CDH7: variants seen among roughly 807,000 people sequenced by gnomAD.
The protein encoded by CDH7 is cadherin 7, also known as cadherin-7.
Under a neutral mutation model 71.8 loss-of-function variants are expected in CDH7, and 25 were observed. That is an observed-to-expected ratio of 0.35 (90% confidence interval 0.25 to 0.49). CDH7 has a LOEUF of 0.49. Among genes scored for constraint, CDH7 ranks in the 20% least tolerant of loss-of-function variants. CDH7 has a pLI of 0.99. For synonymous variants in CDH7, 381 were observed against 363.8 expected, an observed-to-expected ratio of 1.05 and a Z score of -0.54; for missense variants, 862 against 974.6, an observed-to-expected ratio of 0.88 and a Z score of 1.54.
At chr18:65,754,647 C>T (rs1335508717) in intron 1 of CDH7, among the ~76,000 whole-genome samples, 1 of 152,074 alleles carries the variant, frequency 6.6e-6, no homozygotes, top group Non-Finnish European at 1.5e-5. Flanking sequence ...ATGCGAATAT[C>T]AGCAGCAAGC....
chr18:65,837,839 A>C (rs1448462832), intron 6 of CDH7, among the ~76,000 whole-genome samples: 1 of 152,006 alleles, frequency 6.6e-6, no homozygotes, highest in East Asian at 1.9e-4. Flanking sequence ...AAATGTACAG[A>C]ATTATTCCTG....
intron 6 of CDH7, among the ~76,000 whole-genome samples, chr18:65,833,761 A>G (rs1429572835): frequency 1.3e-5 from 2 of 152,218 alleles, no homozygotes; most frequent in African/African-American, 4.8e-5. Flanking sequence ...AAAGATAAGA[A>G]ATTAACATTC....
rs1261365353 is a variant in CDH7 at position 65,781,966 on chromosome 18, C to CTCTT, written c.210+18917_210+18918insTTCT. Among the ~76,000 whole-genome samples, 12 of 37,250 alleles carry CTCTT rather than the reference C, an allele frequency of 3.2e-4. 2 individuals are homozygous for CTCTT. Among genetic ancestry groups the CTCTT allele is most frequent in the African/African-American group, 1.3e-3 (5 of 3,820 alleles). 24.4% of individuals were successfully genotyped at this position (37,250 alleles called of 152,430 possible). The stretch of plus-strand genomic sequence containing the variant: ...TCTCTTTCTCTCTTTCTCTCTTTCT[C>CTCTT]TCTCTCTCTCTCTCTCTCTCTTTCT... On this transcript the variant is annotated intron_variant, in intron 2 of 11. Transcript: ENST00000397968.
intron 11 of CDH7, among the ~76,000 whole-genome samples, chr18:65,874,831 T>C (rs1914029077): frequency 6.6e-6 from 1 of 152,128 alleles, no homozygotes; most frequent in South Asian, 2.1e-4. Flanking sequence ...GGCAGAATTC[T>C]GCTATTTCTG....
At chr18:65,772,003 A>G (rs1916558789) in intron 2 of CDH7, among the ~76,000 whole-genome samples, 1 of 152,146 alleles carries the variant, frequency 6.6e-6, no homozygotes, top group Non-Finnish European at 1.5e-5. Flanking sequence ...CATTCTAGCA[A>G]GTTGTGTGTG....
chr18:65,751,328 G>A (rs753507346), intron 1 of CDH7, among the ~76,000 whole-genome samples, 178 bp downstream of exon 1: 9 of 152,272 alleles, frequency 5.9e-5, no homozygotes, highest in Non-Finnish European at 1.2e-4. Context: ...GGCTCTGCAA[G>A]GCAGGACAGG....
chr18:65,768,575 ATGAT>A (rs1413768618), intron 2 of CDH7, among the ~76,000 whole-genome samples: 2 of 152,162 alleles, frequency 1.3e-5, no homozygotes, highest in African/African-American at 4.8e-5. Context: ...AACTGAAACG[ATGAT>A]TGAGTTTTTT....
At chr18:65,856,248 A>G (rs1273506507) in intron 7 of CDH7, among the ~76,000 whole-genome samples, 3 of 152,134 alleles carry the variant, frequency 2.0e-5, no homozygotes, top group Non-Finnish European at 4.4e-5. Flanking sequence ...ACACTTTCAA[A>G]TTCCTGACAC....
intron 11 of CDH7, among the ~76,000 whole-genome samples, chr18:65,868,431 A>G (rs181620414): frequency 2.0e-3 from 300 of 152,348 alleles, no homozygotes; most frequent in Middle Eastern, 0.014. Context: ...ACCCAAACAC[A>G]GGGAAGCCTG....
intron 4 of CDH7, among the ~76,000 whole-genome samples, chr18:65,817,602 A>T (rs1002552308): frequency 1.3e-5 from 2 of 152,296 alleles, no homozygotes; most frequent in East Asian, 3.9e-4. Flanking sequence ...TTTTTATCTT[A>T]AGTGTAAAAC....
At chr18:65,789,510 T>A (rs1002372285) in intron 2 of CDH7, among the ~76,000 whole-genome samples, 1 of 151,862 alleles carries the variant, frequency 6.6e-6, no homozygotes, top group Non-Finnish European at 1.5e-5. Context: ...AGTTTGAGGA[T>A]GGTTCTGAGC....
In CDH7 at chr18:65,862,685, G is replaced by T; in HGVS notation, c.1632G>T (p.Leu544=). The change falls in exon 11 of 12, where the codon CTG becomes CTT. Residue 544 remains leucine, a synonymous_variant. Transcript: ENST00000397968. ...TCCTAGACAACACAGCCTCAATACT[G>T]ACCAGGAGAAACGGCTTCCGGAGAC... ...KDNKDNTASI[L]TRRNGFRRQE... 6.2e-7 allele frequency: 1 copy of T among 1,614,058 alleles called. No homozygotes were observed. Among genetic ancestry groups the T allele is most frequent in the South Asian group, 1.1e-5 (1 of 91,018 alleles).
At chr18:65,828,940 T>C (rs1912231459) in intron 6 of CDH7, among the ~76,000 whole-genome samples, 1 of 152,182 alleles carries the variant, frequency 6.6e-6, no homozygotes, top group African/African-American at 2.4e-5. Context: ...ATGCCTAGAA[T>C]TGAGATCTCT....
intron 6 of CDH7, among the ~76,000 whole-genome samples, chr18:65,827,762 G>A (rs1912185953): frequency 6.6e-6 from 1 of 151,804 alleles, no homozygotes; most frequent in Non-Finnish European, 1.5e-5. Flanking sequence ...ATGATGTATA[G>A]CAACAGATGG....
chr18:65,765,894 A>G (rs1916348910), intron 2 of CDH7, among the ~76,000 whole-genome samples: 1 of 152,100 alleles, frequency 6.6e-6, no homozygotes, highest in Non-Finnish European at 1.5e-5. Flanking sequence ...GGTATCTACA[A>G]TTCAATTCTG....
In CDH7 at chr18:65,880,620, G is replaced by C; in HGVS notation, c.2084G>C (p.Arg695Pro). The change falls in exon 12 of 12, where the codon CGA becomes CCA. Residue 695 changes from arginine (R) to proline (P), a missense_variant. Arg to Pro is a moderately radical substitution (Grantham distance 103). Transcript: ENST00000397968. The stretch of plus-strand genomic sequence containing the variant: ...ACTCCAGAAATTCAATTCCTGAGTC[G>C]ACCAGCTTTTAAAAGCATCCCAGAT... ...DVTPEIQFLSRPAFKSIPDNV... is the reference protein window; with the variant it reads ...DVTPEIQFLSPPAFKSIPDNV... 1 of 1,613,654 alleles carries C rather than the reference G, an allele frequency of 6.2e-7. No homozygotes were observed. The highest frequency in any genetic ancestry group is 8.5e-7 in the Non-Finnish European group (1 of 1,179,966).
chr18:65,822,952 T>C (rs536978766), intron 5 of CDH7, among the ~76,000 whole-genome samples: 1 of 152,034 alleles, frequency 6.6e-6, no homozygotes, highest in South Asian at 2.1e-4. Flanking sequence ...TCCCTTTTTT[T>C]CCCTAAGTGT....
At chr18:65,771,692 C>T (rs1225967485) in intron 2 of CDH7, among the ~76,000 whole-genome samples, 1 of 149,486 alleles carries the variant, frequency 6.7e-6, no homozygotes, top group African/African-American at 2.5e-5. Flanking sequence ...AAAAAAAAAA[C>T]AGTATTAGAA....
chr18:65,771,484 AT>A (rs1187576156), intron 2 of CDH7, among the ~76,000 whole-genome samples: 2 of 151,880 alleles, frequency 1.3e-5, no homozygotes, highest in African/African-American at 4.8e-5. Context: ...TACTAAAAAA[AT>A]AAAAATAAAA....
Sources: allele counts gnomAD v4.1 joint callset (sites outside exome capture counted in the v4.1 genomes callset), GRCh38; gene constraint gnomAD v4.1.1; transcripts MANE v1.5; gene names NCBI Gene and HGNC (gene_info 2026-07-23, HGNC 2026-07-21).